The following PBX1 variants were observed in gnomAD, a reference collection of about 807,000 sequenced individuals.
PBX1 encodes the protein PBX homeobox 1.
In PBX1, 6 loss-of-function variants were observed where a neutral mutation model predicts 53.4. The ratio of observed to expected loss-of-function variants is 0.11; its 90% CI spans 0.06 to 0.22. PBX1 has a LOEUF of 0.22. Among genes scored for constraint, PBX1 ranks in the 10% least tolerant of loss-of-function variants. PBX1 has a pLI of 1.00. For synonymous variants in PBX1, 204 were observed against 212.3 expected, an observed-to-expected ratio of 0.96 and a Z score of 0.34; for missense variants, 251 against 551.4, an observed-to-expected ratio of 0.46 and a Z score of 5.46.
chr1:164,707,243 G>A (rs903438037), intron 2 of PBX1, among the ~76,000 whole-genome samples: 8 of 152,184 alleles, frequency 5.3e-5, no homozygotes, highest in African/African-American at 1.2e-4. Flanking sequence ...AGGTTTTAAC[G>A]TGCCTTACCA....
intron 2 of PBX1, among the ~76,000 whole-genome samples, chr1:164,730,502 A>G (rs1223142338): frequency 6.6e-6 from 1 of 152,138 alleles, no homozygotes; most frequent in Non-Finnish European, 1.5e-5. Flanking sequence ...TTTTGCAGGG[A>G]GGTATTCCCT....
chr1:164,610,784 G>T (rs1656868977), intron 2 of PBX1, among the ~76,000 whole-genome samples: 1 of 152,198 alleles, frequency 6.6e-6, no homozygotes, highest in Non-Finnish European at 1.5e-5. Context: ...CGCACATTCT[G>T]CCATGGATGG....
intron 2 of PBX1, among the ~76,000 whole-genome samples, chr1:164,634,934 C>G (rs1252163557): frequency 1.3e-5 from 2 of 152,016 alleles, no homozygotes; most frequent in African/African-American, 2.4e-5. Flanking sequence ...TTCTTAGCAT[C>G]ATAGGTGACA....
At chr1:164,777,598 T>G (rs80284401) in intron 2 of PBX1, among the ~76,000 whole-genome samples, 1 of 152,348 alleles carries the variant, frequency 6.6e-6, no homozygotes, top group East Asian at 1.9e-4. Context: ...ACTACAGTAG[T>G]AGCAAACAAA....
At chr1:164,658,287 A>C (rs1395553841) in intron 2 of PBX1, among the ~76,000 whole-genome samples, 1 of 152,194 alleles carries the variant, frequency 6.6e-6, no homozygotes, top group African/African-American at 2.4e-5. Flanking sequence ...CCCCAACACC[A>C]GTAAAGCAAG....
chr1:164,567,514 T>C (rs1283323407), intron 2 of PBX1, among the ~76,000 whole-genome samples: 1 of 152,056 alleles, frequency 6.6e-6, no homozygotes, highest in Non-Finnish European at 1.5e-5. Flanking sequence ...TACAAATCAG[T>C]TTTACCTGAT....
chr1:164,824,394 C>T (rs569110262), intron 8 of PBX1, among the ~76,000 whole-genome samples: 48 of 152,180 alleles, frequency 3.2e-4, no homozygotes, highest in African/African-American at 1.1e-3. Flanking sequence ...TAATTCCCAC[C>T]CTTTATACTT....
At chr1:164,735,674 T>C (rs1017599923) in intron 2 of PBX1, among the ~76,000 whole-genome samples, 1 of 152,212 alleles carries the variant, frequency 6.6e-6, no homozygotes, top group Non-Finnish European at 1.5e-5. Context: ...AGGCTCCCCC[T>C]AAGGCCATTC....
chr1:164,723,981 G>T (rs1192524283), intron 2 of PBX1, among the ~76,000 whole-genome samples: 1 of 152,188 alleles, frequency 6.6e-6, no homozygotes, highest in Non-Finnish European at 1.5e-5. Flanking sequence ...CTGCATGCAG[G>T]TTAGGGGTAG....
rs147028656 is a variant in PBX1 at position 164,778,600 on chromosome 1, G to C, written c.266-13894G>C. Among the ~76,000 whole-genome samples, 67 of 149,970 alleles carry C rather than the reference G, an allele frequency of 4.5e-4. 2 individuals carry two copies. The East Asian group carries it at 0.013, about 28-fold the overall frequency. The stretch of plus-strand genomic sequence containing the variant: ...TGCAATGAGCTGTGATTGCACCACT[G>C]CACTCCAGCCTGGACAACAGAGTGA... On this transcript the variant is annotated intron_variant, in intron 2 of 8. Coordinates refer to ENST00000420696, the MANE Select transcript of PBX1 (RefSeq NM_002585.4).
chr1:164,812,255 G>C (rs1297083848), intron 6 of PBX1, 106 bp downstream of exon 6: 5 of 1,039,938 alleles, frequency 4.8e-6, no homozygotes, highest in Non-Finnish European at 6.8e-6. Context: ...CTTTTGATTG[G>C]TTAATTTCTG....
chr1:164,669,129 G>T (rs1173905823), intron 2 of PBX1, among the ~76,000 whole-genome samples: 1 of 151,990 alleles, frequency 6.6e-6, no homozygotes, highest in Non-Finnish European at 1.5e-5. Context: ...GTGATTTTAG[G>T]GCTGTTTTGG....
chr1:164,660,995 G>C (rs1392432015), intron 2 of PBX1, among the ~76,000 whole-genome samples: 3 of 152,194 alleles, frequency 2.0e-5, no homozygotes, highest in Non-Finnish European at 4.4e-5. Context: ...AGAATTGCCA[G>C]CTGATCACAG....
chr1:164,737,758 C>T (rs181123495), intron 2 of PBX1, among the ~76,000 whole-genome samples: 27 of 152,222 alleles, frequency 1.8e-4, no homozygotes, highest in African/African-American at 5.8e-4. Flanking sequence ...GGATTACAGG[C>T]GTGAGCCACT....
intron 2 of PBX1, among the ~76,000 whole-genome samples, chr1:164,870,880 A>G (rs998373691): frequency 3.3e-5 from 5 of 152,088 alleles, no homozygotes; most frequent in African/African-American, 1.2e-4. Flanking sequence ...ATTTTGCTCA[A>G]AGTTGCAGGG....
At chr1:164,884,483 A>G in intron 2 of PBX1, 1 of 468,558 alleles carries the variant, frequency 2.1e-6, no homozygotes, top group East Asian at 5.1e-5. Context: ...ATGATGAAAG[A>G]TCTGTGGATA....
chr1:164,755,546 T>C (rs1224221403), intron 2 of PBX1, among the ~76,000 whole-genome samples: 3 of 152,136 alleles, frequency 2.0e-5, no homozygotes, highest in African/African-American at 7.2e-5. Context: ...CCAGAATGCC[T>C]CTAGGTTCAT....
intron 2 of PBX1, among the ~76,000 whole-genome samples, chr1:164,652,888 C>T (rs1182810786): frequency 3.5e-4 from 41 of 116,926 alleles, no homozygotes; most frequent in African/African-American, 1.1e-3. Context: ...TTTTTTTTTT[C>T]GGACAGAGTC....
At chr1:164,757,673 A>G (rs1478819525) in intron 2 of PBX1, among the ~76,000 whole-genome samples, 1 of 152,184 alleles carries the variant, frequency 6.6e-6, no homozygotes, top group Non-Finnish European at 1.5e-5. Flanking sequence ...GGATTTCTAA[A>G]ATACATTTTT....
Sources: gnomAD v4.1 joint callset for allele counts (sites outside exome capture counted in the v4.1 genomes callset) on GRCh38, gnomAD v4.1.1 for gene constraint, MANE v1.5 for transcripts, NCBI Gene and HGNC (gene_info 2026-07-23, HGNC 2026-07-21) for gene names.